Variants in ACTN4 observed in about 807,000 individuals in gnomAD.
ACTN4 encodes the protein actinin alpha 4, also known as alpha-actinin-4.
A neutral mutation model predicts 114.2 loss-of-function variants in ACTN4; 18 were observed. The observed-to-expected ratio is 0.16, with a 90% CI of 0.11 to 0.23. The LOEUF (loss-of-function observed/expected upper bound fraction) is 0.23, where lower values mean the gene tolerates loss of function less well. ACTN4 is among the 10% of genes least tolerant of loss of function. The pLI, the probability that ACTN4 is intolerant of heterozygous loss-of-function variation, is 1.00. For missense variants in ACTN4, 722 were observed against 1,262.9 expected (o/e 0.57, Z 6.49); for synonymous variants, 515 against 506.3 (o/e 1.02, Z -0.23).
chr19:38,649,533 G>C (rs983209719), intron 1 of ACTN4, among the ~76,000 whole-genome samples: 5 of 152,164 alleles, frequency 3.3e-5, no homozygotes, highest in African/African-American at 1.2e-4. Flanking sequence ...TTTGTTATCT[G>C]CAAAATGCAA....
chr19:38,719,931 G>C (rs537235600), intron 11 of ACTN4, among the ~76,000 whole-genome samples: 3 of 152,238 alleles, frequency 2.0e-5, no homozygotes, highest in African/African-American at 7.2e-5. Flanking sequence ...CCAGGGCCCA[G>C]CTGGTTCAGC....
At position 38,647,904 on chromosome 19, in the gene ACTN4, C is replaced by G. The variant is rs540091109; in HGVS notation, c.159C>G (p.Arg53=). The change falls in exon 1 of 21, where the codon CGC becomes CGG. Residue 53 remains arginine, a synonymous_variant. Transcript: ENST00000252699. ...ACCCGGCCTGGGAGAAGCAGCAGCG[C>G]AAGGTGCGCGGCCCGCGGGCCGGAC... The part of the protein sequence containing the change: ...LLDPAWEKQQ[R]KTFTAWCNSH... The G allele has an allele frequency of 6.7e-7, 1 of 1,494,248 alleles. No individual in the cohort carries two copies. The highest frequency in any genetic ancestry group is 1.5e-5 in the African/African-American group (1 of 68,810). The allele number at this position is 1,494,248 out of a possible 1,614,324, so 92.6% of individuals were successfully genotyped here.
In ACTN4 at chr19:38,691,434, A is replaced by C. The variant is rs914853163; in HGVS notation, c.163-9166A>C. Among the ~76,000 whole-genome samples the C allele has an allele frequency of 3.2e-4, 49 of 151,594 alleles. 1 individual carries two copies. Among genetic ancestry groups the C allele is most frequent in the African/African-American group, 1.1e-3 (46 of 41,362 alleles). On this transcript the variant is annotated intron_variant, in intron 1 of 20. Coordinates refer to ENST00000252699, the MANE Select transcript of ACTN4 (RefSeq NM_004924.6). ...AAAAAACAAAAAAAACAAAAAAAAA[A>C]ACCCAACAACGCAGAGTGGAGTGAT... is the stretch of plus-strand genomic sequence containing the variant.
Position 38,673,526 on chromosome 19 carries a change from T to TGAA in ACTN4, c.162+25619_162+25620insGAA, listed in dbSNP as rs1568689660. On this transcript the variant is annotated intron_variant, in intron 1 of 20. Transcript: ENST00000252699. ...ATATATGAATATATATTTATATATA[T>TGAA]TCATATATACTTATATATATTTATA... Among the ~76,000 whole-genome samples the TGAA allele has an allele frequency of 8.4e-5, 10 of 119,026 alleles. 1 individual carries two copies. Among genetic ancestry groups the TGAA allele is most frequent in the Admixed American group, 3.0e-4 (3 of 10,052 alleles). The allele number at this position is 119,026 out of a possible 152,430, so 78.1% of individuals were successfully genotyped here.
chr19:38,654,452 C>T (rs1976654180), intron 1 of ACTN4, among the ~76,000 whole-genome samples: 2 of 151,308 alleles, frequency 1.3e-5, no homozygotes, highest in South Asian at 2.1e-4. Flanking sequence ...ATCCCAGCTA[C>T]TGGGGAGGCT....
intron 1 of ACTN4, among the ~76,000 whole-genome samples, chr19:38,671,056 G>T (rs572403875): frequency 1.6e-4 from 25 of 151,822 alleles, no homozygotes; most frequent in South Asian, 8.3e-4. Flanking sequence ...CTTTCCTCTT[G>T]TCTGAATTGC....
intron 9 of ACTN4, among the ~76,000 whole-genome samples, chr19:38,716,608 A>T (rs562699300): frequency 6.6e-6 from 1 of 152,222 alleles, no homozygotes. Flanking sequence ...CTAAAGTGGG[A>T]TTGCTTGAAG....
chr19:38,652,284 AAG>A (rs1204052067), intron 1 of ACTN4, among the ~76,000 whole-genome samples: 1 of 152,142 alleles, frequency 6.6e-6, no homozygotes, highest in Non-Finnish European at 1.5e-5. Flanking sequence ...GCCCTCTTGT[AAG>A]AGGGATAGGG....
intron 1 of ACTN4, among the ~76,000 whole-genome samples, chr19:38,650,826 C>T (rs937236578): frequency 1.3e-5 from 2 of 152,036 alleles, no homozygotes; most frequent in African/African-American, 4.8e-5. Flanking sequence ...ACCTCCGTCT[C>T]CCGGGTTCAA....
At chr19:38,654,192 C>T (rs1976646071) in intron 1 of ACTN4, among the ~76,000 whole-genome samples, 1 of 152,080 alleles carries the variant, frequency 6.6e-6, no homozygotes, top group Admixed American at 6.6e-5. Context: ...TTTTAAATTC[C>T]AGCCTCTGTT....
intron 1 of ACTN4, among the ~76,000 whole-genome samples, chr19:38,658,239 T>C (rs1211940164): frequency 6.6e-6 from 1 of 152,192 alleles, no homozygotes; most frequent in Non-Finnish European, 1.5e-5. Context: ...CTCCATGAAA[T>C]CCGCTGCTGG....
chr19:38,686,194 G>T (rs562605187), intron 1 of ACTN4, among the ~76,000 whole-genome samples: 4 of 152,122 alleles, frequency 2.6e-5, no homozygotes, highest in Non-Finnish European at 4.4e-5. Flanking sequence ...AATGCCAAAG[G>T]CCTCTTGTCT....
chr19:38,729,417 C>T lies in ACTN4; in HGVS notation c.2721C>T (p.Gly907=), dbSNP rs759679292. Residue 907 remains glycine (G), a synonymous_variant, in exon 21 of 21, where the codon GGC becomes GGT. Transcript: ENST00000252699. ...AGTCCTTCTCCACGGCCTTGTATGG[C>T]GAGAGCGACCTGTGAGGCCCCAGAG... ...DYKSFSTALY[G]ESDL is the part of the protein sequence containing the mutation. The T allele has an allele frequency of 5.6e-6, 9 of 1,612,674 alleles. No individual in the cohort carries two copies. The highest frequency in any genetic ancestry group is 1.3e-5 in the African/African-American group (1 of 74,918).
At chr19:38,689,671 A>T (rs547743171) in intron 1 of ACTN4, among the ~76,000 whole-genome samples, 5 of 143,610 alleles carry the variant, frequency 3.5e-5, no homozygotes, top group South Asian at 4.6e-4. Context: ...TTAATTTTTA[A>T]TTTTTTTTTT....
At chr19:38,720,346 G>C (rs980050899) in intron 11 of ACTN4, among the ~76,000 whole-genome samples, 2 of 152,222 alleles carry the variant, frequency 1.3e-5, no homozygotes, top group African/African-American at 4.8e-5. Context: ...ACATCCTCTC[G>C]GTGCACCCTT....
Position 38,727,077 on chromosome 19 carries a change from C to T in ACTN4, c.2311C>T (p.Arg771Trp), listed in dbSNP as rs1234222656. 13 of 1,613,968 alleles carry T rather than the reference C, an allele frequency of 8.1e-6. No individual in the cohort carries two copies. Among genetic ancestry groups the T allele is most frequent in the Admixed American group, 5.0e-5 (3 of 60,016 alleles). The change falls in exon 18 of 21, where the codon CGG becomes TGG. Residue 771 changes from arginine (R) to tryptophan (W), a missense_variant. Transcript: ENST00000252699. The surrounding 1 kb of genome is among the most constrained non-coding windows in gnomAD (Gnocchi z 5.4). ...CAGCCAGGAGCAGATGCAGGAGTTC[C>T]GGGCGTCCTTCAACCACTTCGACAA... ...GISQEQMQEF[R>W]ASFNHFDKDH...
chr19:38,653,479 AAATAT>A (rs1383316873), intron 1 of ACTN4, among the ~76,000 whole-genome samples: 1 of 151,474 alleles, frequency 6.6e-6, no homozygotes, highest in Non-Finnish European at 1.5e-5. Flanking sequence ...AGGGAAGGGC[AAATAT>A]AATTAGTGAA....
At chr19:38,703,636 C>T (rs895417622) in intron 3 of ACTN4, among the ~76,000 whole-genome samples, 1 of 152,198 alleles carries the variant, frequency 6.6e-6, no homozygotes, top group East Asian at 1.9e-4. Context: ...CATGCTTGTT[C>T]CTCACTGGCC....
At position 38,730,600 on chromosome 19, in the gene ACTN4, A is replaced by AG; in HGVS notation, c.*1169dup. On this transcript the variant is annotated 3_prime_UTR_variant, in exon 21 of 21. Transcript: ENST00000252699. ...CCACCTTCTAGGAGAGCCAGGGCAG[A>AG]GCTAGCACTGTCTTAAGCTGTCAAC... is the stretch of plus-strand genomic sequence containing the variant. 1.7e-6 allele frequency: 1 copy of AG among 590,346 alleles called. No individual in the cohort carries two copies. The highest frequency in any genetic ancestry group is 3.0e-6 in the Non-Finnish European group (1 of 330,004). 36.6% of individuals were successfully genotyped at this position (590,346 alleles called of 1,614,324 possible).
Sources: gnomAD v4.1 joint callset for allele counts (sites outside exome capture counted in the v4.1 genomes callset) on GRCh38, gnomAD v4.1.1 for gene constraint, Gnocchi (gnomAD v3.1) non-coding constraint, MANE v1.5 for transcripts, NCBI Gene and HGNC (gene_info 2026-07-23, HGNC 2026-07-21) for gene names.